Variants in YTHDF1 observed in about 807,000 individuals in gnomAD.
YTHDF1 encodes the protein YTH N6-methyladenosine RNA binding protein F1.
Under a neutral mutation model 49.1 loss-of-function variants are expected in YTHDF1, and 16 were observed. The observed-to-expected ratio is 0.33, with a 90% CI of 0.22 to 0.49. YTHDF1 has a LOEUF of 0.49. Ranked by LOEUF, YTHDF1 falls within the 20% of genes least tolerant of loss-of-function variation. YTHDF1 has a pLI of 0.99. For missense variants in YTHDF1, 621 were observed against 744.3 expected, an observed-to-expected ratio of 0.83 and a Z score of 1.93; for synonymous variants, 313 against 290.1, an observed-to-expected ratio of 1.08 and a Z score of -0.80.
chr20:63,206,871 T>C, intron 3 of YTHDF1, among the ~76,000 whole-genome samples: 1 of 152,140 alleles, frequency 6.6e-6, no homozygotes, highest in Non-Finnish European at 1.5e-5. Flanking sequence ...GCCTTCTTTA[T>C]GAGCCACATG....
chr20:63,204,978 C>T (rs923076266), intron 3 of YTHDF1, among the ~76,000 whole-genome samples: 2 of 152,056 alleles, frequency 1.3e-5, no homozygotes, highest in Admixed American at 6.5e-5. Flanking sequence ...CCCACCTAGA[C>T]GCATCGTCTG....
At chr20:63,211,608 T>C (rs1199428884) in intron 3 of YTHDF1, among the ~76,000 whole-genome samples, 1 of 152,118 alleles carries the variant, frequency 6.6e-6, no homozygotes, top group Non-Finnish European at 1.5e-5. Context: ...GACATAAAAA[T>C]AATCGATTTG....
chr20:63,203,183 C>T lies in YTHDF1; in HGVS notation c.757G>A (p.Gly253Arg), dbSNP rs543127893. The T allele has an allele frequency of 6.2e-6, 10 of 1,613,776 alleles. No individual in the cohort carries two copies. Among genetic ancestry groups the T allele is most frequent in the East Asian group, 4.5e-5 (2 of 44,896 alleles). ...GGCAGCCCACCCCCCATGACAGGCC[C>T]GCTCTTTGTTTTCATTTTAGGCTGT... is the stretch of plus-strand genomic sequence containing the variant. ...KPQPKMKTKS[G>R]PVMGGGLPPP... The change falls in exon 4 of 5, where the codon GGG (glycine) becomes AGG (arginine). Residue 253 changes from glycine (G) to arginine (R), a missense_variant. Gly to Arg is a moderately radical substitution (Grantham distance 125, BLOSUM62 -2). Coordinates refer to ENST00000370339, the MANE Select transcript of YTHDF1 (RefSeq NM_017798.4). The surrounding 1 kb of genome is among the most constrained non-coding windows in gnomAD (Gnocchi z 4.4).
intron 3 of YTHDF1, among the ~76,000 whole-genome samples, chr20:63,213,141 T>C (rs1365981454): frequency 2.6e-5 from 4 of 152,174 alleles, no homozygotes; most frequent in Non-Finnish European, 5.9e-5. Flanking sequence ...GGAGTTAAAA[T>C]TGAAACCAGG....
intron 4 of YTHDF1, 112 bp from the exon 5 acceptor site, chr20:63,196,846 A>C (rs939584077): frequency 1.1e-5 from 14 of 1,256,178 alleles, no homozygotes; most frequent in East Asian, 2.5e-5. Context: ...TGGAGGCGGG[A>C]CCCTGAATGG....
intron 3 of YTHDF1, among the ~76,000 whole-genome samples, chr20:63,210,336 G>T (rs2066568225): frequency 2.0e-5 from 3 of 152,262 alleles, no homozygotes; most frequent in African/African-American, 7.2e-5. Context: ...GAAGCCTGGG[G>T]GGCCAGCGGC....
In YTHDF1 at chr20:63,202,878, G is replaced by T; in HGVS notation, c.1062C>A (p.Val354=). 1 of 1,613,960 alleles carries T rather than the reference G, an allele frequency of 6.2e-7. No individual in the cohort carries two copies. The highest frequency in any genetic ancestry group is 8.5e-7 in the Non-Finnish European group (1 of 1,180,052). Reference sequence around the variant, plus strand: ...CGACGCTGGGGGCAGAATTAGGCTGGACGTTTCCAGGAGAGTTGCTATCGC... The same window carrying T: ...CGACGCTGGGGGCAGAATTAGGCTGTACGTTTCCAGGAGAGTTGCTATCGC... ...AGSDSNSPGN[V]QPNSAPSVES... Residue 354 remains valine (V), a synonymous_variant, in exon 4 of 5, where the codon GTC becomes GTA. Transcript: ENST00000370339.
At chr20:63,208,726 C>T (rs761533077) in intron 3 of YTHDF1, among the ~76,000 whole-genome samples, 5 of 152,224 alleles carry the variant, frequency 3.3e-5, no homozygotes, top group Non-Finnish European at 7.3e-5. Context: ...TTTTTAGATG[C>T]AGCCACAAGA....
intron 3 of YTHDF1, among the ~76,000 whole-genome samples, chr20:63,211,126 C>T (rs1201597151): frequency 6.6e-6 from 1 of 152,226 alleles, no homozygotes; most frequent in African/African-American, 2.4e-5. Flanking sequence ...ACGGTAGCCT[C>T]CAACTGGCTA....
Position 63,203,867 on chromosome 20 carries a change from A to AC in YTHDF1, c.133-61_133-60insG. 1 of 1,496,738 alleles carries AC rather than the reference A, an allele frequency of 6.7e-7. No individual in the cohort carries two copies. Among genetic ancestry groups the AC allele is most frequent in the Non-Finnish European group, 9.0e-7 (1 of 1,109,922 alleles). The allele number at this position is 1,496,738 out of a possible 1,614,324, so 92.7% of individuals were successfully genotyped here. Reference sequence around the variant, plus strand: ...TACAACACGAGATGCTGAGAATGCCAACCGCCTCTTGCTTAAGCACAGGTG... The same window carrying AC: ...TACAACACGAGATGCTGAGAATGCCACACCGCCTCTTGCTTAAGCACAGGTG... On this transcript the variant is annotated intron_variant, in intron 3 of 4. Coordinates refer to ENST00000370339, the MANE Select transcript of YTHDF1 (RefSeq NM_017798.4). This position sits in a 1 kb window ranked among gnomAD's most constrained non-coding sequence, Gnocchi z 4.4.
intron 3 of YTHDF1, among the ~76,000 whole-genome samples, chr20:63,208,935 CACAA>C (rs932595068): frequency 5.3e-5 from 8 of 152,338 alleles, no homozygotes; most frequent in South Asian, 2.1e-4. Context: ...AGTGTCCTCA[CACAA>C]ACAGAGACGT....
Position 63,202,554 on chromosome 20 carries a change from G to C in YTHDF1, c.1386C>G (p.Ala462=), listed in dbSNP as rs756430202. The C allele has an allele frequency of 3.3e-5, 53 of 1,614,102 alleles. No individual in the cohort carries two copies. Among genetic ancestry groups the C allele is most frequent in the Non-Finnish European group, 4.4e-5 (52 of 1,180,050 alleles). The change falls in exon 4 of 5, where the codon GCC becomes GCG. Residue 462 remains alanine, a synonymous_variant. Transcript: ENST00000370339. ...MKSPVDYGTS[A]GVWSQDKWKG... ...TCCACTTGTCCTGAGACCAGACCCCGGCACTGGTGCCGTAGTCCACGGGGG... is the reference window on the plus strand; with the variant it reads ...TCCACTTGTCCTGAGACCAGACCCCCGCACTGGTGCCGTAGTCCACGGGGG...
chr20:63,214,175 G>C (rs953418006), intron 2 of YTHDF1: 32 of 928,800 alleles, frequency 3.4e-5, no homozygotes, highest in Non-Finnish European at 4.0e-5. Context: ...TCGTAATTTG[G>C]TGAGATTAAC....
chr20:63,200,365 A>C (rs950330066), intron 4 of YTHDF1, among the ~76,000 whole-genome samples: 12 of 152,318 alleles, frequency 7.9e-5, no homozygotes, highest in Admixed American at 1.3e-4. Context: ...TCAAAAAAAA[A>C]AAAGCTATTT....
chr20:63,201,627 T>C (rs1246644230), intron 4 of YTHDF1, among the ~76,000 whole-genome samples: 1 of 152,214 alleles, frequency 6.6e-6, no homozygotes, highest in Non-Finnish European at 1.5e-5. Context: ...GAATTTTTGA[T>C]ATAGGATCCA....
At chr20:63,199,432 T>C (rs541444550) in intron 4 of YTHDF1, among the ~76,000 whole-genome samples, 10 of 151,702 alleles carry the variant, frequency 6.6e-5, no homozygotes, top group South Asian at 4.2e-4. Context: ...GGCAGGAGAA[T>C]TGTGTGAACC....
In YTHDF1 at chr20:63,203,600, T is replaced by C; in HGVS notation, c.340A>G (p.Asn114Asp). ...AAATTGAACCTGTGCTGATAGATGTTGTTCCCCAGGCCCCCAGGCTGCCCA... is the reference window on the plus strand; with the variant it reads ...AAATTGAACCTGTGCTGATAGATGTCGTTCCCCAGGCCCCCAGGCTGCCCA... ...VFGQPGGLGNNIYQHRFNFFP... is the reference protein window; with the variant it reads ...VFGQPGGLGNDIYQHRFNFFP... Residue 114 changes from asparagine (N) to aspartate (D), a missense_variant, in exon 4 of 5, where the codon AAC (asparagine) becomes GAC (aspartate). Around this residue, in one of 2 missense-constraint regions of YTHDF1, gnomAD observed 470 missense variants for 495.8 expected, o/e 0.95. Transcript: ENST00000370339. The surrounding 1 kb of genome is among the most constrained non-coding windows in gnomAD (Gnocchi z 4.4). The C allele has an allele frequency of 6.2e-7, 1 of 1,614,152 alleles. No homozygotes were observed. The highest frequency in any genetic ancestry group is 8.5e-7 in the Non-Finnish European group (1 of 1,180,038).
intron 3 of YTHDF1, among the ~76,000 whole-genome samples, chr20:63,207,090 A>G (rs1415264499): frequency 6.6e-6 from 1 of 152,238 alleles, no homozygotes; most frequent in Non-Finnish European, 1.5e-5. Context: ...GCTGGAGGCG[A>G]GCTGTGCTGC....
Position 63,203,806 on chromosome 20 carries a change from C to T in YTHDF1, c.134G>A (p.Ser45Asn). Residue 45 changes from serine (S) to asparagine (N), a missense_variant and splice_region_variant, in exon 4 of 5, where the codon AGT becomes AAT. By Grantham distance (46) the Ser-to-Asn change is conservative (BLOSUM62 1). This residue lies in a region of YTHDF1 where 470 missense variants were observed against 495.8 expected (regional missense o/e 0.95). Transcript: ENST00000370339. The surrounding 1 kb of genome is among the most constrained non-coding windows in gnomAD (Gnocchi z 4.4). The part of the protein sequence containing the change: ...EPYLTGQSNQ[S>N]NSYPSMSDPY... Reference sequence around the variant, plus strand: ...GTCGCTCATTGAGGGGTAACTGTTACTCTGCAAAAGCAAACGTGACAAGTT... The same window carrying T: ...GTCGCTCATTGAGGGGTAACTGTTATTCTGCAAAAGCAAACGTGACAAGTT... 1 of 1,592,978 alleles carries T rather than the reference C, an allele frequency of 6.3e-7. No individual in the cohort carries two copies. Among genetic ancestry groups the T allele is most frequent in the Non-Finnish European group, 8.6e-7 (1 of 1,164,374 alleles).
Sources: allele counts gnomAD v4.1 joint callset (sites outside exome capture counted in the v4.1 genomes callset), GRCh38; gene constraint gnomAD v4.1.1; regional missense constraint gnomAD v4.1.1; non-coding constraint Gnocchi (gnomAD v3.1); transcripts MANE v1.5; gene names NCBI Gene and HGNC (gene_info 2026-07-23, HGNC 2026-07-21).